PCDHGA8: variants seen among roughly 807,000 people sequenced by gnomAD.
The protein encoded by PCDHGA8 is protocadherin gamma subfamily A, 8.
A neutral mutation model predicts 59.2 loss-of-function variants in PCDHGA8; 45 were observed. That is an observed-to-expected ratio of 0.76 (90% confidence interval 0.60 to 0.98). PCDHGA8 has a LOEUF of 0.98. Among genes scored for constraint, PCDHGA8 ranks in the 50% least tolerant of loss-of-function variants. The probability of loss-of-function intolerance (pLI) is 0.00; values close to 1 mark genes in which losing one functional copy is unlikely to be tolerated. For missense variants in PCDHGA8, 1,257 were observed against 1,196.2 expected (o/e 1.05, Z -0.75); for synonymous variants, 531 against 519.0 (o/e 1.02, Z -0.32).
chr5:141,491,390 T>G lies in PCDHGA8; in HGVS notation c.2425-3417T>G. 1 of 1,614,130 alleles carries G rather than the reference T, an allele frequency of 6.2e-7. No individual in the cohort carries two copies. Among genetic ancestry groups the G allele is most frequent in the Admixed American group, 1.7e-5 (1 of 60,028 alleles). ...TTCACCTTTCTGTCAGCGAAGTGCC[T>G]TCAGGGAAACGCAGACGGGGACGGG... On this transcript the variant is annotated intron_variant, in intron 1 of 3. Transcript: ENST00000398604. The surrounding 1 kb of genome is among the most constrained non-coding windows in gnomAD (Gnocchi z 6.9).
intron 1 of PCDHGA8, chr5:141,400,244 C>T (rs765839538): frequency 1.9e-6 from 3 of 1,613,928 alleles, no homozygotes; most frequent in East Asian, 4.5e-5. Flanking sequence ...GTGATTCTGG[C>T]CGTTGCCTTG....
At chr5:141,421,030 G>C (rs989158485) in intron 1 of PCDHGA8, 2 of 532,352 alleles carry the variant, frequency 3.8e-6, no homozygotes, top group African/African-American at 3.9e-5. Context: ...GCGCCATTGA[G>C]TCCCTCCCTC....
rs557973676 is a variant in PCDHGA8, at chr5:141,429,315, T to C, written c.2424+34078T>C. 9.2e-5 allele frequency among the ~76,000 whole-genome samples: 14 copies of C among 152,298 alleles called. No individual in the cohort carries two copies. In the South Asian group the frequency reaches 2.9e-3, roughly 32 times the overall value. ...ACATCAATATTTGAGTATATAAGGC[T>C]TTTTCTTTAATCCATTAACTATAAA... On this transcript the variant is annotated intron_variant, in intron 1 of 3. Transcript: ENST00000398604.
chr5:141,403,789 C>T (rs1230029917), intron 1 of PCDHGA8: 1 of 1,613,864 alleles, frequency 6.2e-7, no homozygotes, highest in East Asian at 2.2e-5. Flanking sequence ...AAGTGGCATA[C>T]AAATTCTGGA....
At chr5:141,415,937 C>T (rs939831077) in intron 1 of PCDHGA8, 8 of 587,822 alleles carry the variant, frequency 1.4e-5, no homozygotes, top group Non-Finnish European at 2.0e-5. Context: ...TATATTTCCT[C>T]CTGGGTGGTC....
rs758216933 is a variant in PCDHGA8 at position 141,487,377 on chromosome 5, C to A, written c.2425-7430C>A. The A allele has an allele frequency of 2.5e-6, 4 of 1,614,190 alleles. No individual in the cohort carries two copies. In the South Asian group the frequency reaches 3.3e-5, roughly 13 times the overall value. On this transcript the variant is annotated intron_variant, in intron 1 of 3. Transcript: ENST00000398604. This position sits in a 1 kb window ranked among gnomAD's most constrained non-coding sequence, Gnocchi z 5.0. ...CCTGCTGGCACCTGTGCCTGTCTCA[C>A]CAGATCTCGAAGGAGGGAGGGGCTT...
rs1203060261 is a variant in PCDHGA8, at chr5:141,493,037, AG to A, written c.2425-1768del. 3.3e-5 allele frequency among the ~76,000 whole-genome samples: 5 copies of A among 152,252 alleles called. No individual in the cohort carries two copies. The highest frequency in any genetic ancestry group is 2.6e-4 in the Admixed American group (4 of 15,290). ...AGATGCCAGGGTGCCCTTATGTGTG[AG>A]GAAACTACAATAGTAAAAAACACAA... is the stretch of plus-strand genomic sequence containing the variant. On this transcript the variant is annotated intron_variant, in intron 1 of 3. Transcript: ENST00000398604. This position sits in a 1 kb window ranked among gnomAD's most constrained non-coding sequence, Gnocchi z 4.3.
intron 1 of PCDHGA8, chr5:141,408,080 C>G: frequency 7.1e-7 from 1 of 1,412,844 alleles, no homozygotes; most frequent in Non-Finnish European, 9.3e-7. Flanking sequence ...TTTCCCAGCA[C>G]AGCGGATTGC....
chr5:141,400,465 T>G (rs769092002), intron 1 of PCDHGA8: 2 of 1,614,060 alleles, frequency 1.2e-6, no homozygotes, highest in Admixed American at 1.7e-5. Context: ...TTGTGGTGAT[T>G]CATCTGGGGC....
intron 1 of PCDHGA8, chr5:141,415,994 C>G: frequency 6.6e-6 from 2 of 303,006 alleles, no homozygotes; most frequent in East Asian, 6.9e-5. Context: ...GTTCTGAAGG[C>G]AGGTCTGGTA....
At chr5:141,410,100 G>A in intron 1 of PCDHGA8, 1 of 1,612,736 alleles carries the variant, frequency 6.2e-7, no homozygotes, top group Non-Finnish European at 8.5e-7. Context: ...CGAGCCTTAG[G>A]CGACAGGGAC....
rs1407016089 is a variant in PCDHGA8 at position 141,489,914 on chromosome 5, C to T, written c.2425-4893C>T. On this transcript the variant is annotated intron_variant, in intron 1 of 3. Coordinates refer to ENST00000398604, the MANE Select transcript of PCDHGA8 (RefSeq NM_032088.2). The surrounding 1 kb of genome is among the most constrained non-coding windows in gnomAD (Gnocchi z 4.5). Reference sequence around the variant, plus strand: ...GGGGGGACCCCAGCCCGCTCAGGGACCACCCTTATCTCTGTCATCGTGCTG... The same window carrying T: ...GGGGGGACCCCAGCCCGCTCAGGGATCACCCTTATCTCTGTCATCGTGCTG... 3 of 1,614,094 alleles carry T rather than the reference C, an allele frequency of 1.9e-6. No individual in the cohort carries two copies. Among genetic ancestry groups the T allele is most frequent in the African/African-American group, 2.7e-5 (2 of 74,936 alleles).
intron 1 of PCDHGA8, among the ~76,000 whole-genome samples, chr5:141,454,980 T>A (rs1049733405): frequency 9.3e-5 from 14 of 151,310 alleles, no homozygotes; most frequent in African/African-American, 2.4e-4. Context: ...GCTAATTTTT[T>A]AAAAAATATT....
At chr5:141,481,913 C>CAAAAAA (rs34114744) in intron 1 of PCDHGA8, among the ~76,000 whole-genome samples, 2 of 90,846 alleles carry the variant, frequency 2.2e-5, no homozygotes, top group Non-Finnish European at 4.4e-5. Flanking sequence ...AACTCCATCT[C>CAAAAAA]AAAAAAAAAA....
chr5:141,407,047 T>C (rs75652968), intron 1 of PCDHGA8, among the ~76,000 whole-genome samples: 6,428 of 152,316 alleles, frequency 0.042, 220 homozygotes, highest in African/African-American at 0.092. Flanking sequence ...GATCCATAGA[T>C]ACACTGATGA....
Position 141,478,120 on chromosome 5 carries a change from G to A in PCDHGA8, c.2425-16687G>A, listed in dbSNP as rs772548778. 3.1e-6 allele frequency: 5 copies of A among 1,613,948 alleles called. No homozygotes were observed. In the Admixed American group the frequency reaches 6.7e-5, roughly 22 times the overall value. ...CTACCCTCACTGTGTCAGTAACCGA[G>A]GACTCTCCTGAAGCCCGAGCCGAGT... On this transcript the variant is annotated intron_variant, in intron 1 of 3. Coordinates refer to ENST00000398604, the MANE Select transcript of PCDHGA8 (RefSeq NM_032088.2).
intron 1 of PCDHGA8, among the ~76,000 whole-genome samples, chr5:141,472,967 C>G (rs1040253926): frequency 1.7e-5 from 1 of 58,336 alleles, no homozygotes; most frequent in South Asian, 5.1e-4. Flanking sequence ...GCCTGGGGAA[C>G]AAGAGTGAAA....
intron 1 of PCDHGA8, among the ~76,000 whole-genome samples, chr5:141,458,368 A>C (rs934670055): frequency 3.9e-5 from 6 of 152,112 alleles, no homozygotes; most frequent in Admixed American, 3.9e-4. Flanking sequence ...GAAGGAAGGG[A>C]GAAGAGAGAA....
chr5:141,430,594 C>T, intron 1 of PCDHGA8: 3 of 563,604 alleles, frequency 5.3e-6, no homozygotes, highest in Non-Finnish European at 5.7e-6. Flanking sequence ...GCCTTGCACG[C>T]GCCTGAAGCA....
Sources: allele counts gnomAD v4.1 joint callset (sites outside exome capture counted in the v4.1 genomes callset), GRCh38; gene constraint gnomAD v4.1.1; non-coding constraint Gnocchi (gnomAD v3.1); transcripts MANE v1.5; gene names NCBI Gene and HGNC (gene_info 2026-07-23, HGNC 2026-07-21).